POMT2: variants seen among roughly 807,000 people sequenced by gnomAD.
POMT2 encodes protein O-mannosyltransferase 2, also known as protein O-mannosyl-transferase 2.
POMT2 carries 75 observed loss-of-function variants against 100.0 expected under a neutral mutation model. The observed-to-expected ratio is 0.75, with a 90% CI of 0.62 to 0.91. The LOEUF (loss-of-function observed/expected upper bound fraction) is 0.91, where lower values mean the gene tolerates loss of function less well. POMT2 is among the 40% of genes least tolerant of loss of function. The pLI, the probability that POMT2 is intolerant of heterozygous loss-of-function variation, is 0.00. For synonymous variants in POMT2, 378 were observed against 374.1 expected, an observed-to-expected ratio of 1.01 and a Z score of -0.12; for missense variants, 940 against 955.1, an observed-to-expected ratio of 0.98 and a Z score of 0.21.
In POMT2 at chr14:77,278,867, AC is replaced by A. The variant is rs1320144674; in HGVS notation, c.1893del (p.Leu632CysfsTer25). 6.2e-7 allele frequency: 1 copy of A among 1,612,892 alleles called. No homozygotes were observed. The highest frequency in any genetic ancestry group is 1.3e-5 in the African/African-American group (1 of 74,904). ...CCTCCTCGAAGCAGGACCTGGGACA[AC>A]CCTGGGCCCAAGCAGCACAGCCCAG... Reference protein sequence around the residue: ...RGARLPAEVAGLSQVLLRGGG... With the variant: ...RGARLPAEVAXLSQVLLRGGG... On this transcript the variant is annotated frameshift_variant and splice_region_variant, in exon 19 of 21. Coordinates refer to ENST00000261534, the MANE Select transcript of POMT2 (RefSeq NM_013382.7). LOFTEE classifies it high-confidence loss of function.
rs199871120 is a variant in POMT2 at position 77,288,845 on chromosome 14, A to G, written c.1184-14T>C. 2.5e-6 allele frequency: 4 copies of G among 1,612,330 alleles called. No homozygotes were observed. Among genetic ancestry groups the G allele is most frequent in the Admixed American group, 1.7e-5 (1 of 59,996 alleles). On this transcript the variant is annotated splice_polypyrimidine_tract_variant and intron_variant, in intron 10 of 20. Transcript: ENST00000261534. ...GGTCTAGGGGATCTGCCAAAAAGAAACAAGCATTGATATCCAAAATCACTC... is the reference window on the plus strand; with the variant it reads ...GGTCTAGGGGATCTGCCAAAAAGAAGCAAGCATTGATATCCAAAATCACTC...
intron 1 of POMT2, among the ~76,000 whole-genome samples, chr14:77,316,570 A>G (rs1891635278): frequency 1.3e-5 from 2 of 150,110 alleles, no homozygotes; most frequent in Admixed American, 1.3e-4. Context: ...CATCTCTAAA[A>G]AAAAAAAAAA....
intron 10 of POMT2, among the ~76,000 whole-genome samples, chr14:77,290,775 C>T (rs1335690622): frequency 6.6e-6 from 1 of 152,240 alleles, no homozygotes; most frequent in African/African-American, 2.4e-5. Flanking sequence ...AGCAGATCAG[C>T]AGGCATCGAG....
chr14:77,285,428 G>C, intron 13 of POMT2, 53 bp downstream of exon 13: 4 of 1,609,132 alleles, frequency 2.5e-6, no homozygotes, highest in South Asian at 1.1e-5. Context: ...TCCTTGTAGA[G>C]TGAAAGGAAA....
rs368906346 is a variant in POMT2, at chr14:77,302,855, C to T, written c.636G>A (p.Lys212=). The T allele has an allele frequency of 2.6e-5, 42 of 1,612,980 alleles. No individual in the cohort carries two copies. Among genetic ancestry groups the T allele is most frequent in the Non-Finnish European group, 1.0e-5 (12 of 1,179,132 alleles). The change falls in exon 5 of 21, where the codon AAG becomes AAA. Residue 212 remains lysine (K), a synonymous_variant. Coordinates refer to ENST00000261534, the MANE Select transcript of POMT2 (RefSeq NM_013382.7). The stretch of plus-strand genomic sequence containing the variant: ...CTGACCTGTCGGCGCAAGAGTTGTA[C>T]TTGACCATGCTCAGCATGGCAGCCA... ...FIMAAMLSMV[K]YNSCADRPFS...
At chr14:77,281,339 C>T (rs1004840704) in intron 15 of POMT2, among the ~76,000 whole-genome samples, 20 of 152,122 alleles carry the variant, frequency 1.3e-4, no homozygotes, top group South Asian at 6.2e-4. Flanking sequence ...ATACTTTATA[C>T]TGTACATCTT....
At chr14:77,285,331 T>A (rs1166229118) in intron 13 of POMT2, 150 bp downstream of exon 13, 1 of 1,074,328 alleles carries the variant, frequency 9.3e-7, no homozygotes, top group African/African-American at 1.6e-5. Flanking sequence ...TGCTCCATAA[T>A]ACACCTGATA....
In POMT2 at chr14:77,279,944, A is replaced by G. The variant is rs773593712; in HGVS notation, c.1786-16T>C. On this transcript the variant is annotated splice_polypyrimidine_tract_variant and intron_variant, in intron 17 of 20. Coordinates refer to ENST00000261534, the MANE Select transcript of POMT2 (RefSeq NM_013382.7). ...ACCAAACCACCTGTGCAGAAATGGG[A>G]ATGGGCAGATGAGAACGCAGCCGCT... 1.2e-6 allele frequency: 2 copies of G among 1,614,138 alleles called. No homozygotes were observed. Among genetic ancestry groups the G allele is most frequent in the Admixed American group, 3.3e-5 (2 of 60,030 alleles).
intron 7 of POMT2, 74 bp from the exon 8 acceptor site, chr14:77,298,845 G>T: frequency 1.5e-6 from 2 of 1,328,100 alleles, no homozygotes; most frequent in South Asian, 1.2e-5. Context: ...GCGCTGGGAA[G>T]AGCTCTGCTC....
intron 1 of POMT2, 65 bp from the exon 2 acceptor site, chr14:77,312,098 T>C (rs1891456923): frequency 1.3e-6 from 2 of 1,581,730 alleles, no homozygotes; most frequent in South Asian, 1.1e-5. Flanking sequence ...ATGGCCTTCA[T>C]AAAGCATGGT....
chr14:77,285,300 C>G, intron 13 of POMT2, 181 bp downstream of exon 13: 1 of 829,934 alleles, frequency 1.2e-6, no homozygotes, highest in African/African-American at 1.7e-5. Flanking sequence ...CATAAAACAC[C>G]GAAGCTCCCC....
At chr14:77,291,505 G>A in intron 9 of POMT2, 125 bp from the exon 10 acceptor site, 1 of 1,357,594 alleles carries the variant, frequency 7.4e-7, no homozygotes, top group Non-Finnish European at 1.0e-6. Flanking sequence ...AGAATCCCCA[G>A]CCACCAACCT....
At chr14:77,291,555 GGT>G in intron 9 of POMT2, 175 bp from the exon 10 acceptor site, 1 of 777,784 alleles carries the variant, frequency 1.3e-6, no homozygotes, top group Non-Finnish European at 2.1e-6. Flanking sequence ...ATGTAGCACT[GGT>G]GAGTGAGATT....
intron 1 of POMT2, among the ~76,000 whole-genome samples, chr14:77,315,566 A>G (rs1891593897): frequency 6.6e-6 from 1 of 152,248 alleles, no homozygotes; most frequent in Admixed American, 6.5e-5. Context: ...CCAGTGCTGA[A>G]TGTATAGCTG....
intron 15 of POMT2, among the ~76,000 whole-genome samples, chr14:77,281,814 C>A (rs751616201): frequency 6.6e-6 from 1 of 152,174 alleles, no homozygotes; most frequent in Non-Finnish European, 1.5e-5. Flanking sequence ...CCAAAAATTT[C>A]TCCACAGATG....
At chr14:77,282,422 T>C (rs917890728) in intron 15 of POMT2, among the ~76,000 whole-genome samples, 1 of 152,338 alleles carries the variant, frequency 6.6e-6, no homozygotes, top group South Asian at 2.1e-4. Context: ...GCAGTTTCTA[T>C]AGTCTGGACT....
At chr14:77,285,319 T>G in intron 13 of POMT2, 162 bp downstream of exon 13, 1 of 969,808 alleles carries the variant, frequency 1.0e-6, no homozygotes, top group Non-Finnish European at 1.5e-6. Context: ...CCCGGAGTTC[T>G]GTGCTCCATA....
intron 9 of POMT2, among the ~76,000 whole-genome samples, chr14:77,295,043 TA>T (rs1419002470): frequency 2.6e-5 from 4 of 152,176 alleles, no homozygotes; most frequent in Non-Finnish European, 4.4e-5. Context: ...GATCTAATCA[TA>T]ATCATAATAA....
intron 12 of POMT2, among the ~76,000 whole-genome samples, chr14:77,286,469 T>C (rs1318351059): frequency 6.6e-6 from 1 of 152,194 alleles, no homozygotes; most frequent in African/African-American, 2.4e-5. Flanking sequence ...TTAAAAGAGA[T>C]CCAAATAGTA....
Sources: allele counts gnomAD v4.1 joint callset (sites outside exome capture counted in the v4.1 genomes callset), GRCh38; gene constraint gnomAD v4.1.1; transcripts MANE v1.5; gene names NCBI Gene and HGNC (gene_info 2026-07-23, HGNC 2026-07-21).